TBC1D5: variants seen among roughly 807,000 people sequenced by gnomAD.
TBC1D5 encodes TBC1 domain family, member 5.
In TBC1D5, 75 loss-of-function variants were observed where a neutral mutation model predicts 100.3. That is an observed-to-expected ratio of 0.75 (90% CI 0.62 to 0.91). TBC1D5 has a LOEUF of 0.91. Among genes scored for constraint, TBC1D5 ranks in the 40% least tolerant of loss-of-function variants. The pLI, the probability that TBC1D5 is intolerant of heterozygous loss-of-function variation, is 0.00. For missense variants in TBC1D5, 910 were observed against 942.4 expected (o/e 0.97, Z 0.45); for synonymous variants, 323 against 325.6 (o/e 0.99, Z 0.09).
chr3:17,234,345 T>C (rs2075687419), intron 17 of TBC1D5, among the ~76,000 whole-genome samples: 1 of 151,996 alleles, frequency 6.6e-6, no homozygotes, highest in South Asian at 2.1e-4. Flanking sequence ...CAAGATTTCA[T>C]TTACAAATTG....
intron 14 of TBC1D5, among the ~76,000 whole-genome samples, chr3:17,305,965 T>C (rs781210591): frequency 6.6e-6 from 1 of 152,182 alleles, no homozygotes; most frequent in Non-Finnish European, 1.5e-5. Flanking sequence ...CCCTATCACT[T>C]ACCATAGGAA....
intron 4 of TBC1D5, among the ~76,000 whole-genome samples, chr3:17,415,144 C>A (rs979334114): frequency 6.6e-6 from 1 of 152,028 alleles, no homozygotes; most frequent in African/African-American, 2.4e-5. Flanking sequence ...ATATAATACT[C>A]TCCTTTTTAT....
chr3:17,671,690 C>A (rs770931164), intron 1 of TBC1D5, among the ~76,000 whole-genome samples: 8 of 152,054 alleles, frequency 5.3e-5, no homozygotes, highest in Non-Finnish European at 8.8e-5. Flanking sequence ...ACATTCTCCC[C>A]CAAATGTGAT....
In TBC1D5 at chr3:17,530,239, G is replaced by A. The variant is rs182516937; in HGVS notation, c.-35-21634C>T. On this transcript the variant is annotated intron_variant, in intron 2 of 21. Coordinates refer to ENST00000253692, the Ensembl canonical transcript of TBC1D5. ...AGTCTGGGCGACAGAGCGAGACTTC[G>A]TCTCAAAAAAAAAAAAAAAAAAAGG... Among the ~76,000 whole-genome samples the A allele has an allele frequency of 3.7e-3, 455 of 122,556 alleles. 1 individual carries two copies. Among genetic ancestry groups the A allele is most frequent in the African/African-American group, 0.014 (438 of 30,344 alleles). The allele number at this position is 122,556 out of a possible 152,430, so 80.4% of individuals were successfully genotyped here. A position where few individuals can be genotyped will look rare whatever the true frequency, so the allele number is the denominator to read the frequency against.
chr3:17,269,829 TC>T (rs1257931021), intron 15 of TBC1D5, among the ~76,000 whole-genome samples: 1 of 152,126 alleles, frequency 6.6e-6, no homozygotes, highest in Non-Finnish European at 1.5e-5. Context: ...ACAGTTTCAT[TC>T]CTTTTTATGG....
At chr3:17,428,278 C>T (rs913838519) in intron 4 of TBC1D5, among the ~76,000 whole-genome samples, 172 bp downstream of exon 4, 2 of 151,248 alleles carry the variant, frequency 1.3e-5, no homozygotes, top group African/African-American at 4.8e-5. Context: ...CAGAAAATAA[C>T]ATAACACAAT....
intron 1 of TBC1D5, among the ~76,000 whole-genome samples, chr3:17,727,241 C>T (rs532026468): frequency 2.0e-5 from 3 of 152,218 alleles, no homozygotes; most frequent in East Asian, 1.9e-4. Context: ...ATTAGCTGGG[C>T]ACGGTGGCGC....
chr3:17,705,656 C>T (rs1399468157), intron 1 of TBC1D5, among the ~76,000 whole-genome samples: 1 of 134,694 alleles, frequency 7.4e-6, no homozygotes, highest in Non-Finnish European at 1.6e-5. Flanking sequence ...GATGGGCGGC[C>T]GGGCAGAGAC....
At chr3:17,652,640 T>C (rs567665877) in intron 1 of TBC1D5, among the ~76,000 whole-genome samples, 249 of 152,288 alleles carry the variant, frequency 1.6e-3, no homozygotes, top group Non-Finnish European at 3.0e-3. Context: ...CAGAAAAAAG[T>C]AGTTTAATTA....
chr3:17,311,323 G>A (rs529861551), intron 13 of TBC1D5, among the ~76,000 whole-genome samples: 2 of 151,990 alleles, frequency 1.3e-5, no homozygotes, highest in East Asian at 3.9e-4. Flanking sequence ...TATCACTTGT[G>A]ATAATATAAT....
intron 3 of TBC1D5, among the ~76,000 whole-genome samples, chr3:17,466,720 A>G (rs1247176029): frequency 2.6e-5 from 4 of 152,126 alleles, no homozygotes; most frequent in Admixed American, 6.5e-5. Context: ...CTATAAATAT[A>G]AAGAGTCCTT....
At chr3:17,252,532 A>G (rs981424830) in intron 16 of TBC1D5, among the ~76,000 whole-genome samples, 1 of 152,194 alleles carries the variant, frequency 6.6e-6, no homozygotes, top group African/African-American at 2.4e-5. Flanking sequence ...GATTCTTACT[A>G]GGAGGGTTTC....
intron 13 of TBC1D5, among the ~76,000 whole-genome samples, chr3:17,350,119 C>T (rs945806952): frequency 1.3e-5 from 2 of 152,094 alleles, no homozygotes; most frequent in African/African-American, 2.4e-5. Flanking sequence ...TGAAGCTAAT[C>T]GTACAACTTT....
intron 8 of TBC1D5, among the ~76,000 whole-genome samples, chr3:17,387,090 G>T (rs1444810130): frequency 3.3e-5 from 5 of 152,108 alleles, no homozygotes; most frequent in African/African-American, 1.2e-4. Context: ...ACTATAACTT[G>T]TTCTTTAAAT....
intron 1 of TBC1D5, among the ~76,000 whole-genome samples, chr3:17,709,305 A>ATT (rs1299602253): frequency 3.3e-5 from 5 of 152,194 alleles, no homozygotes; most frequent in African/African-American, 1.2e-4. Flanking sequence ...GGAAATAACT[A>ATT]TTTCTAAATT....
chr3:17,374,623 A>T lies in TBC1D5; in HGVS notation c.752+6T>A, dbSNP rs758673604. The T allele has an allele frequency of 6.2e-7, 1 of 1,611,242 alleles. No individual in the cohort carries two copies. Among genetic ancestry groups the T allele is most frequent in the Non-Finnish European group, 8.5e-7 (1 of 1,179,152 alleles). On this transcript the variant is annotated splice_donor_region_variant and intron_variant, in intron 11 of 21. Coordinates refer to ENST00000253692, the Ensembl canonical transcript of TBC1D5. Reference sequence around the variant, plus strand: ...AAAATAAAACAAAGAAAGTTTTTGTACTTACTAGGCATCATGTTCCAGATA... The same window carrying T: ...AAAATAAAACAAAGAAAGTTTTTGTTCTTACTAGGCATCATGTTCCAGATA...
At chr3:17,411,283 T>G (rs2093917651) in intron 4 of TBC1D5, among the ~76,000 whole-genome samples, 1 of 152,164 alleles carries the variant, frequency 6.6e-6, no homozygotes, top group Non-Finnish European at 1.5e-5. Context: ...ACTTAATAGA[T>G]GACAGTATAG....
chr3:17,636,549 T>C (rs1254597473), intron 1 of TBC1D5, among the ~76,000 whole-genome samples: 1 of 152,106 alleles, frequency 6.6e-6, no homozygotes, highest in Non-Finnish European at 1.5e-5. Flanking sequence ...CCCAGCACTT[T>C]GGGAGGCCGA....
intron 15 of TBC1D5, among the ~76,000 whole-genome samples, chr3:17,289,626 C>A (rs2081520472): frequency 7.7e-6 from 1 of 129,452 alleles, no homozygotes; most frequent in Non-Finnish European, 1.8e-5. Flanking sequence ...GTGCGAGACT[C>A]CATCTCAAAA....
Sources: gnomAD v4.1 joint callset for allele counts (sites outside exome capture counted in the v4.1 genomes callset) on GRCh38, gnomAD v4.1.1 for gene constraint, MANE v1.5 for transcripts, NCBI Gene and HGNC (gene_info 2026-07-23, HGNC 2026-07-21) for gene names.